Variants in TENM2 observed in about 807,000 individuals in gnomAD.
TENM2 encodes teneurin-2.
A neutral mutation model predicts 245.2 loss-of-function variants in TENM2; 52 were observed. The observed-to-expected ratio is 0.21, with a 90% CI of 0.17 to 0.27. The LOEUF (loss-of-function observed/expected upper bound fraction) is 0.27. TENM2 is among the 10% of genes least tolerant of loss of function. The probability of loss-of-function intolerance (pLI) is 1.00; values close to 1 mark genes in which losing one functional copy is unlikely to be tolerated. For missense variants in TENM2, 3,046 were observed against 3,666.8 expected, an observed-to-expected ratio of 0.83 and a Z score of 4.37; for synonymous variants, 1,363 against 1,438.9, an observed-to-expected ratio of 0.95 and a Z score of 1.19.
At chr5:167,071,878 G>GCACCCCCCCCCCCC in the TENM2 span, among the ~76,000 whole-genome samples, 1 of 124,026 alleles carries the variant, frequency 8.1e-6, no homozygotes, top group Non-Finnish European at 1.7e-5. Flanking sequence ...TTGACAAATC[G>GCACCCCCCCCCCCC]CCCCCCCCCG....
At chr5:167,975,506 G>A (rs1385109619) in intron 4 of TENM2, among the ~76,000 whole-genome samples, 4 of 151,578 alleles carry the variant, frequency 2.6e-5, no homozygotes, top group Non-Finnish European at 5.9e-5. Flanking sequence ...CATTGTCAGT[G>A]GGTATGTGTC....
At chr5:167,695,531 C>A (rs1157906656) in intron 2 of TENM2, among the ~76,000 whole-genome samples, 1 of 152,108 alleles carries the variant, frequency 6.6e-6, no homozygotes, top group Non-Finnish European at 1.5e-5. Context: ...GGATGCTAGA[C>A]TTTAATGCCT....
chr5:168,241,995 G>T (rs1439899749), intron 25 of TENM2, among the ~76,000 whole-genome samples: 2 of 152,014 alleles, frequency 1.3e-5, no homozygotes, highest in Non-Finnish European at 2.9e-5. Context: ...TTTTTCTCTG[G>T]ATAGGCCATC....
intron 12 of TENM2, among the ~76,000 whole-genome samples, chr5:168,136,639 A>G (rs1434107198): frequency 1.3e-5 from 2 of 152,170 alleles, no homozygotes; most frequent in African/African-American, 4.8e-5. Flanking sequence ...TGGCTCTCCC[A>G]TACATCAAGG....
intron 1 of TENM2, among the ~76,000 whole-genome samples, chr5:167,334,833 T>C (rs1757662324): frequency 6.6e-6 from 1 of 152,220 alleles, no homozygotes; most frequent in Admixed American, 6.5e-5. Context: ...CAAGCCATAT[T>C]TGTCTTTTGA....
In TENM2 at chr5:168,189,894, C is replaced by T. The variant is rs529981714; in HGVS notation, c.2570-443C>T. Among the ~76,000 whole-genome samples, 73 of 152,260 alleles carry T rather than the reference C, an allele frequency of 4.8e-4. 1 individual carries two copies. In the South Asian group the frequency reaches 0.015, roughly 31 times the overall value. Reference sequence around the variant, plus strand: ...AAGTGCTAGGATTACAGGTGTGAGCCACCATGCCCAGCCAGAAATTCCATG... The same window carrying T: ...AAGTGCTAGGATTACAGGTGTGAGCTACCATGCCCAGCCAGAAATTCCATG... On this transcript the variant is annotated intron_variant, in intron 13 of 28. Transcript: ENST00000518659.
At chr5:168,077,365 G>A (rs1791568708) in intron 7 of TENM2, among the ~76,000 whole-genome samples, 1 of 151,818 alleles carries the variant, frequency 6.6e-6, no homozygotes. Context: ...TACCCACTAT[G>A]GGCCAAGCAC....
rs149123064 is a variant in TENM2 at position 167,760,690 on chromosome 5, G to A, written c.503-115296G>A. Reference sequence around the variant, plus strand: ...TTGTTTTGAGACAGAGTCTCACTCTGCCACCCAGGCTAGAGTGCAATGGCA... The same window carrying A: ...TTGTTTTGAGACAGAGTCTCACTCTACCACCCAGGCTAGAGTGCAATGGCA... On this transcript the variant is annotated intron_variant, in intron 2 of 28. Coordinates refer to ENST00000518659, the Ensembl canonical transcript of TENM2. 3.3e-5 allele frequency among the ~76,000 whole-genome samples: 5 copies of A among 152,092 alleles called. No homozygotes were observed. The South Asian group carries it at 1.0e-3, about 32-fold the overall frequency.
At chr5:167,536,168 T>A (rs1346975841) in intron 2 of TENM2, among the ~76,000 whole-genome samples, 2 of 152,128 alleles carry the variant, frequency 1.3e-5, no homozygotes, top group Non-Finnish European at 2.9e-5. Context: ...CTAATAATAA[T>A]ACCCACCTAG....
intron 4 of TENM2, among the ~76,000 whole-genome samples, chr5:167,986,049 T>C (rs1178563408): frequency 1.3e-5 from 2 of 152,184 alleles, no homozygotes; most frequent in Non-Finnish European, 2.9e-5. Context: ...AATGAGGTTT[T>C]TTTGTTTGTT....
chr5:167,445,369 A>AGAGAGAGAGAGAGAGAGTGT (rs35699708), intron 2 of TENM2, among the ~76,000 whole-genome samples: 9 of 98,578 alleles, frequency 9.1e-5, no homozygotes, highest in South Asian at 3.6e-4. Context: ...AGAGAGAGAG[A>AGAGAGAGAGAGAGAGAGTGT]GTGTCAGGTG....
At chr5:167,930,369 A>G (rs1209967929) in intron 3 of TENM2, among the ~76,000 whole-genome samples, 1 of 152,190 alleles carries the variant, frequency 6.6e-6, no homozygotes, top group Non-Finnish European at 1.5e-5. Context: ...GAATCAATGA[A>G]GAATCGTTTT....
At position 168,244,677 on chromosome 5, in the gene TENM2, C is replaced by T. The variant is rs1015087153; in HGVS notation, c.5778C>T (p.Phe1926=). Residue 1926 remains phenylalanine (F), a synonymous_variant, in exon 26 of 29, where the codon TTC becomes TTT. Transcript: ENST00000518659. This position sits in a 1 kb window ranked among gnomAD's most constrained non-coding sequence, Gnocchi z 4.9. ...AAGGCCGCATCGTGTCCCGCATGTT[C>T]GCTGACGGGAAAGTGTGGAGCTACT... 3.4e-6 allele frequency: 5 copies of T among 1,491,138 alleles called. No homozygotes were observed. Among genetic ancestry groups the T allele is most frequent in the Non-Finnish European group, 3.6e-6 (4 of 1,108,578 alleles). 92.4% of individuals were successfully genotyped at this position (1,491,138 alleles called of 1,614,324 possible).
chr5:167,153,682 T>TATATATACGTATATATATATATACAC, the TENM2 span, among the ~76,000 whole-genome samples: 1 of 150,418 alleles, frequency 6.6e-6, no homozygotes, highest in African/African-American at 2.5e-5. Context: ...TATATATATA[T>TATATATACGTATATATATATATACAC]ACACACACAC....
intron 2 of TENM2, among the ~76,000 whole-genome samples, chr5:167,452,965 A>AAATATATATATATATTTT (rs1490908045): frequency 1.6e-4 from 10 of 64,376 alleles, no homozygotes; most frequent in South Asian, 7.1e-4. Flanking sequence ...ATATATATTT[A>AAATATATATATATATTTT]AAAAAAAAAA....
intron 2 of TENM2, among the ~76,000 whole-genome samples, chr5:167,814,517 A>G (rs759567736): frequency 6.6e-6 from 1 of 151,424 alleles, no homozygotes; most frequent in African/African-American, 2.4e-5. Context: ...AAAAGGATAA[A>G]ATTTTATCTA....
chr5:167,310,064 T>C (rs936715485), intron 1 of TENM2, among the ~76,000 whole-genome samples: 3 of 142,222 alleles, frequency 2.1e-5, no homozygotes, highest in African/African-American at 9.3e-5. Context: ...CTAAAGCGCG[T>C]ATCTGTGAAT....
chr5:167,986,343 C>T (rs369105223), intron 4 of TENM2, among the ~76,000 whole-genome samples: 1 of 152,200 alleles, frequency 6.6e-6, no homozygotes, highest in East Asian at 1.9e-4. Context: ...TAAGAAGTCA[C>T]AGGAATGCAG....
intron 2 of TENM2, among the ~76,000 whole-genome samples, chr5:167,522,448 C>T (rs1770827970): frequency 6.6e-6 from 1 of 152,004 alleles, no homozygotes; most frequent in Non-Finnish European, 1.5e-5. Flanking sequence ...GTTCCTCATT[C>T]TGCCTTAATT....
Sources: allele counts gnomAD v4.1 joint callset (sites outside exome capture counted in the v4.1 genomes callset), GRCh38; gene constraint gnomAD v4.1.1; non-coding constraint Gnocchi (gnomAD v3.1); transcripts MANE v1.5; gene names NCBI Gene and HGNC (gene_info 2026-07-23, HGNC 2026-07-21).